TTC39B: variants seen among roughly 807,000 people sequenced by gnomAD.
TTC39B encodes the protein tetratricopeptide repeat protein 39B.
In TTC39B, 92 loss-of-function variants were observed where a neutral mutation model predicts 96.6. That is an observed-to-expected ratio of 0.95 (90% CI 0.80 to 1.13). The LOEUF is 1.13. Among genes scored for constraint, TTC39B ranks in the 50% most tolerant of loss-of-function variants. The pLI, the probability that TTC39B is intolerant of heterozygous loss-of-function variation, is 0.00. For synonymous variants in TTC39B, 367 were observed against 299.4 expected (o/e 1.23, Z -2.33); for missense variants, 955 against 809.3 (o/e 1.18, Z -2.18).
At chr9:15,279,533 C>A (rs1397153934) in intron 1 of TTC39B, among the ~76,000 whole-genome samples, 2 of 152,194 alleles carry the variant, frequency 1.3e-5, no homozygotes, top group African/African-American at 2.4e-5. Flanking sequence ...AAGCTATTTT[C>A]CTTAGGACCT....
rs570115463 is a variant in TTC39B at position 15,192,159 on chromosome 9, C to A, written c.930+431G>T. On this transcript the variant is annotated intron_variant, in intron 9 of 19. Transcript: ENST00000512701. Reference sequence around the variant, plus strand: ...TGAACCATCAATAAAATTTAAAAATCTCTTAATCACATATTGGAATTTGAC... The same window carrying A: ...TGAACCATCAATAAAATTTAAAAATATCTTAATCACATATTGGAATTTGAC... Among the ~76,000 whole-genome samples the A allele has an allele frequency of 1.1e-4, 16 of 152,264 alleles. No individual in the cohort carries two copies. The South Asian group carries it at 3.3e-3, about 32-fold the overall frequency.
intron 1 of TTC39B, among the ~76,000 whole-genome samples, chr9:15,269,790 C>A (rs966842853): frequency 2.0e-5 from 3 of 149,426 alleles, no homozygotes; most frequent in African/African-American, 7.4e-5. Context: ...GGGAGGCGGA[C>A]GTTACAGTGA....
intron 17 of TTC39B, 92 bp downstream of exon 17, chr9:15,182,215 A>G: frequency 1.3e-6 from 1 of 767,070 alleles, no homozygotes; most frequent in East Asian, 2.8e-5. Context: ...GATGTACACA[A>G]ATTAATGTTG....
At chr9:15,296,501 A>AT (rs891060008) in intron 1 of TTC39B, among the ~76,000 whole-genome samples, 19 of 150,806 alleles carry the variant, frequency 1.3e-4, no homozygotes, top group East Asian at 3.9e-4. Context: ...AAAAAAAGCA[A>AT]TTTTTTTTTT....
Position 15,210,409 on chromosome 9 carries a change from A to G in TTC39B, c.615-245T>C, listed in dbSNP as rs143607501. Among the ~76,000 whole-genome samples the G allele has an allele frequency of 5.0e-3, 769 of 152,354 alleles. 8 individuals are homozygous for G. The highest frequency in any genetic ancestry group is 0.018 in the African/African-American group (729 of 41,582). ...CACGTGGGGAAACCCACACACACCA[A>G]TGAAAACTAACCTCCAAAGTACCTT... On this transcript the variant is annotated intron_variant, in intron 5 of 19. Transcript: ENST00000512701.
chr9:15,233,421 T>C (rs1433032352), intron 2 of TTC39B, among the ~76,000 whole-genome samples: 1 of 152,146 alleles, frequency 6.6e-6, no homozygotes, highest in East Asian at 1.9e-4. Flanking sequence ...AGCTGGACTG[T>C]ACTGCTGCCA....
intron 4 of TTC39B, among the ~76,000 whole-genome samples, chr9:15,212,613 G>C (rs1278657904): frequency 3.9e-5 from 6 of 152,104 alleles, no homozygotes; most frequent in Non-Finnish European, 1.5e-5. Context: ...TTTTAGTAGA[G>C]ACAGGGTTTC....
chr9:15,283,410 T>C (rs1823840128), intron 1 of TTC39B, among the ~76,000 whole-genome samples: 2 of 152,260 alleles, frequency 1.3e-5, no homozygotes. Context: ...CTTTATGCAT[T>C]GTCTCATGTA....
chr9:15,257,095 C>A (rs552774155), intron 2 of TTC39B, among the ~76,000 whole-genome samples: 13 of 152,234 alleles, frequency 8.5e-5, no homozygotes, highest in Admixed American at 2.6e-4. Context: ...TTAGGTGTGA[C>A]AACAGTCTTG....
intron 3 of TTC39B, among the ~76,000 whole-genome samples, chr9:15,225,462 A>C (rs1258988670): frequency 6.6e-6 from 1 of 152,158 alleles, no homozygotes; most frequent in Non-Finnish European, 1.5e-5. Context: ...ATATTTGACG[A>C]AAAAATCTAT....
chr9:15,200,065 C>A, intron 7 of TTC39B, 140 bp from the exon 8 acceptor site: 1 of 504,850 alleles, frequency 2.0e-6, no homozygotes, highest in Non-Finnish European at 3.5e-6. Flanking sequence ...TTGAAATTAA[C>A]ACATACTCTT....
At chr9:15,171,931 C>A in exon 20 of TTC39B, 1 of 1,010,962 alleles carries the variant, frequency 9.9e-7, no homozygotes, top group Non-Finnish European at 1.5e-6. Flanking sequence ...CTCTTATTCA[C>A]AAGATCATTT....
At chr9:15,168,962 C>G (rs1395614401) in exon 20 of TTC39B, 1 of 151,864 alleles carries the variant, frequency 6.6e-6, no homozygotes, top group African/African-American at 2.4e-5. Flanking sequence ...AGCATTTTTT[C>G]TTTACACACT....
chr9:15,305,352 G>A (rs781130743), intron 1 of TTC39B, among the ~76,000 whole-genome samples: 3 of 152,144 alleles, frequency 2.0e-5, no homozygotes, highest in African/African-American at 4.8e-5. Flanking sequence ...CTCAATAAAC[G>A]CTTGCTCAGT....
At chr9:15,296,997 AAGAAAAGAAAAG>A (rs1399396502) in intron 1 of TTC39B, among the ~76,000 whole-genome samples, 2 of 145,894 alleles carry the variant, frequency 1.4e-5, no homozygotes, top group Admixed American at 1.3e-4. Flanking sequence ...TTTAAGAAAA[AAGAAAAGAAAAG>A]AAAAAAGAAA....
chr9:15,207,687 A>T (rs2131335245), intron 6 of TTC39B, among the ~76,000 whole-genome samples: 1 of 152,222 alleles, frequency 6.6e-6, no homozygotes, highest in East Asian at 1.9e-4. Flanking sequence ...GATGCTTTTT[A>T]AAAATGGAGG....
intron 18 of TTC39B, among the ~76,000 whole-genome samples, chr9:15,176,806 G>A (rs375286658): frequency 8.3e-4 from 127 of 152,146 alleles, no homozygotes; most frequent in African/African-American, 2.9e-3. Context: ...CCACTCAGCC[G>A]GCCTTATTAA....
chr9:15,215,066 C>T (rs1820431981), intron 3 of TTC39B, among the ~76,000 whole-genome samples: 3 of 152,094 alleles, frequency 2.0e-5, no homozygotes, highest in Admixed American at 1.3e-4. Flanking sequence ...CCAGCCTGGG[C>T]AACAGAGTGA....
At chr9:15,230,346 C>T (rs1821353238) in intron 2 of TTC39B, among the ~76,000 whole-genome samples, 1 of 152,128 alleles carries the variant, frequency 6.6e-6, no homozygotes. Flanking sequence ...TATTTTGTCA[C>T]CAAAATGTAT....
Sources: allele counts gnomAD v4.1 joint callset (sites outside exome capture counted in the v4.1 genomes callset), GRCh38; gene constraint gnomAD v4.1.1; transcripts MANE v1.5; gene names NCBI Gene and HGNC (gene_info 2026-07-23, HGNC 2026-07-21).